GPC5: variants seen among roughly 807,000 people sequenced by gnomAD.
GPC5 encodes glypican-5.
In GPC5, 47 loss-of-function variants were observed where a neutral mutation model predicts 53.9. The observed-to-expected ratio is 0.87, with a 90% CI of 0.69 to 1.11. GPC5 has a LOEUF of 1.11. GPC5 is among the 50% of genes most tolerant of loss of function. The pLI is 0.00. For missense variants in GPC5, 748 were observed against 713.1 expected (o/e 1.05, Z -0.56); for synonymous variants, 286 against 263.3 (o/e 1.09, Z -0.84).
intron 2 of GPC5, among the ~76,000 whole-genome samples, chr13:91,602,106 A>G (rs543003167): frequency 5.3e-4 from 81 of 152,348 alleles, no homozygotes; most frequent in Non-Finnish European, 1.0e-3. Context: ...AGAATGTGAT[A>G]TATGCATTTA....
chr13:92,552,788 C>T (rs1186638765), intron 7 of GPC5, among the ~76,000 whole-genome samples: 2 of 151,884 alleles, frequency 1.3e-5, no homozygotes, highest in Non-Finnish European at 1.5e-5. Flanking sequence ...AAGTATTAAA[C>T]ATTGTTGATT....
At chr13:92,749,024 A>C (rs1480992429) in intron 7 of GPC5, among the ~76,000 whole-genome samples, 1 of 152,164 alleles carries the variant, frequency 6.6e-6, no homozygotes, top group South Asian at 2.1e-4. Flanking sequence ...GTTTTAGAGC[A>C]CTTGAATCAT....
intron 7 of GPC5, among the ~76,000 whole-genome samples, chr13:92,385,564 A>G (rs992761665): frequency 2.8e-5 from 4 of 143,532 alleles, no homozygotes; most frequent in Admixed American, 2.2e-4. Flanking sequence ...ATGCATATAT[A>G]CATATACGCA....
intron 7 of GPC5, among the ~76,000 whole-genome samples, chr13:92,629,496 T>G (rs1291751015): frequency 2.6e-5 from 4 of 152,144 alleles, no homozygotes; most frequent in Non-Finnish European, 4.4e-5. Flanking sequence ...TTATAAGAAA[T>G]GGTGATTTAA....
rs66684933 is a variant in GPC5, at chr13:92,623,848, C to CTATTTATT, written c.1562-242416_1562-242409dup. ...CCCTTAGAAAGTCTACTGATAGTGT[C>CTATTTATT]TATTTATTTATTTATTTATTTATTT... is the stretch of plus-strand genomic sequence containing the variant. On this transcript the variant is annotated intron_variant, in intron 7 of 7. Coordinates refer to ENST00000377067, the MANE Select transcript of GPC5 (RefSeq NM_004466.6). 4.2e-3 allele frequency among the ~76,000 whole-genome samples: 636 copies of CTATTTATT among 149,866 alleles called. 9 individuals carry two copies. The South Asian group carries it at 0.058, about 14-fold the overall frequency.
intron 2 of GPC5, among the ~76,000 whole-genome samples, chr13:91,528,735 T>A (rs1886200176): frequency 1.3e-5 from 2 of 151,920 alleles, no homozygotes; most frequent in South Asian, 4.2e-4. Flanking sequence ...AGGAAAGAGG[T>A]TTAATGGACT....
intron 7 of GPC5, among the ~76,000 whole-genome samples, chr13:92,266,487 AT>A: frequency 6.6e-6 from 1 of 152,308 alleles, no homozygotes; most frequent in Middle Eastern, 3.4e-3. Flanking sequence ...AGCAAAAAAA[AT>A]AAGACAAAAC....
intron 2 of GPC5, among the ~76,000 whole-genome samples, chr13:91,531,707 C>T (rs1158739163): frequency 6.6e-6 from 1 of 152,130 alleles, no homozygotes; most frequent in Non-Finnish European, 1.5e-5. Context: ...AAAGTAGCAG[C>T]TTGAATAGAA....
intron 7 of GPC5, among the ~76,000 whole-genome samples, chr13:92,648,592 A>G (rs906549253): frequency 6.6e-6 from 1 of 152,084 alleles, no homozygotes; most frequent in Non-Finnish European, 1.5e-5. Context: ...TTCATTTCTA[A>G]TTAAACTCAT....
At chr13:91,614,982 C>T (rs954439885) in intron 2 of GPC5, among the ~76,000 whole-genome samples, 2 of 152,250 alleles carry the variant, frequency 1.3e-5, no homozygotes, top group Non-Finnish European at 2.9e-5. Context: ...ATGAGCCATC[C>T]ATTCATTTAT....
intron 6 of GPC5, among the ~76,000 whole-genome samples, chr13:91,977,955 AAAAGAAAG>A (rs71200555): frequency 7.0e-6 from 1 of 142,900 alleles, no homozygotes; most frequent in African/African-American, 2.9e-5. Context: ...TCTAAAAGAA[AAAAGAAAG>A]AAAGAAAGAA....
intron 6 of GPC5, among the ~76,000 whole-genome samples, chr13:92,037,662 A>G (rs570277458): frequency 1.3e-5 from 2 of 152,318 alleles, no homozygotes; most frequent in Non-Finnish European, 2.9e-5. Flanking sequence ...TCCTTAATAA[A>G]TATGAATTCA....
intron 2 of GPC5, among the ~76,000 whole-genome samples, chr13:91,571,759 A>ATG (rs1424222792): frequency 1.1e-5 from 1 of 90,050 alleles, no homozygotes; most frequent in Non-Finnish European, 2.1e-5. Context: ...ACACATATAC[A>ATG]TGTGTATGTG....
At chr13:92,611,486 A>C (rs574433877) in intron 7 of GPC5, among the ~76,000 whole-genome samples, 1 of 149,474 alleles carries the variant, frequency 6.7e-6, no homozygotes, top group South Asian at 2.1e-4. Context: ...TTCCAGTAAC[A>C]TAATGTATTC....
chr13:92,227,002 G>A lies in GPC5; in HGVS notation c.1561+82013G>A, dbSNP rs556266911. On this transcript the variant is annotated intron_variant, in intron 7 of 7. Coordinates refer to ENST00000377067, the MANE Select transcript of GPC5 (RefSeq NM_004466.6). ...TTACCTTGGAAACCTACAAGCAATAGAAACTGTTGAAAGTCAGTACACTGA... is the reference window on the plus strand; with the variant it reads ...TTACCTTGGAAACCTACAAGCAATAAAAACTGTTGAAAGTCAGTACACTGA... 1.2e-4 allele frequency among the ~76,000 whole-genome samples: 18 copies of A among 152,250 alleles called. No homozygotes were observed. The South Asian group carries it at 1.2e-3, about 11-fold the overall frequency.
intron 7 of GPC5, among the ~76,000 whole-genome samples, chr13:92,768,735 C>T (rs1364108517): frequency 1.3e-5 from 2 of 151,682 alleles, no homozygotes; most frequent in Non-Finnish European, 2.9e-5. Flanking sequence ...TGTCTTGCCA[C>T]TGCTGCTCAT....
intron 2 of GPC5, among the ~76,000 whole-genome samples, chr13:91,568,065 G>A (rs1032986986): frequency 6.6e-6 from 1 of 152,166 alleles, no homozygotes; most frequent in East Asian, 1.9e-4. Context: ...TGAAGAAGGT[G>A]CCTGCTTCCT....
At chr13:91,938,591 G>A (rs921940177) in intron 6 of GPC5, among the ~76,000 whole-genome samples, 20 of 152,256 alleles carry the variant, frequency 1.3e-4, no homozygotes, top group Middle Eastern at 3.4e-3. Flanking sequence ...CAAGGCCACT[G>A]CCTACTGGCC....
intron 7 of GPC5, among the ~76,000 whole-genome samples, chr13:92,270,135 G>C (rs2042830193): frequency 6.6e-6 from 1 of 152,098 alleles, no homozygotes; most frequent in Non-Finnish European, 1.5e-5. Context: ...ATCATGATGG[G>C]AATTTGAAAC....
Sources: allele counts gnomAD v4.1 joint callset (sites outside exome capture counted in the v4.1 genomes callset), GRCh38; gene constraint gnomAD v4.1.1; transcripts MANE v1.5; gene names NCBI Gene and HGNC (gene_info 2026-07-23, HGNC 2026-07-21).